Variants in PLEKHH2 observed in about 807,000 individuals in gnomAD.
PLEKHH2 encodes pleckstrin homology, MyTH4 and FERM domain containing H2.
A neutral mutation model predicts 187.9 loss-of-function variants in PLEKHH2; 129 were observed. The ratio of observed to expected loss-of-function variants is 0.69; its 90% CI spans 0.59 to 0.79. The LOEUF (loss-of-function observed/expected upper bound fraction) is 0.79. PLEKHH2 is among the 30% of genes least tolerant of loss of function. The pLI, the probability that PLEKHH2 is intolerant of heterozygous loss-of-function variation, is 0.00. For missense variants in PLEKHH2, 2,076 were observed against 1,751.2 expected (o/e 1.19, Z -3.31); for synonymous variants, 686 against 605.6 (o/e 1.13, Z -1.95).
intron 15 of PLEKHH2, among the ~76,000 whole-genome samples, chr2:43,716,882 C>G (rs13418853): frequency 0.17 from 25,944 of 152,096 alleles, 2,673 homozygotes; most frequent in Middle Eastern, 0.28. Context: ...ATATTATTTC[C>G]TATAACCATC....
intron 2 of PLEKHH2, among the ~76,000 whole-genome samples, chr2:43,649,725 G>A (rs766629088): frequency 1.6e-4 from 24 of 152,304 alleles, no homozygotes; most frequent in Non-Finnish European, 3.2e-4. Context: ...GTTACTGGTT[G>A]AAGATATTAT....
chr2:43,654,050 T>G (rs1666618916), intron 2 of PLEKHH2, among the ~76,000 whole-genome samples: 1 of 152,066 alleles, frequency 6.6e-6, no homozygotes, highest in African/African-American at 2.4e-5. Flanking sequence ...ATTAAGTGAG[T>G]GAATAAGAAA....
intron 21 of PLEKHH2, among the ~76,000 whole-genome samples, chr2:43,742,483 A>C (rs1448306051): frequency 2.0e-5 from 3 of 152,184 alleles, no homozygotes; most frequent in African/African-American, 7.2e-5. Context: ...GGTAATTTTA[A>C]ATTCAGCTTG....
intron 9 of PLEKHH2, among the ~76,000 whole-genome samples, 179 bp downstream of exon 9, chr2:43,704,235 C>A (rs1011264229): frequency 1.3e-5 from 2 of 152,036 alleles, no homozygotes; most frequent in Admixed American, 6.6e-5. Flanking sequence ...TTACCAGGGT[C>A]AGGGTGTGCG....
At chr2:43,682,962 A>C (rs1383093281) in intron 3 of PLEKHH2, among the ~76,000 whole-genome samples, 1 of 151,376 alleles carries the variant, frequency 6.6e-6, no homozygotes, top group Non-Finnish European at 1.5e-5. Flanking sequence ...ACACACACAC[A>C]ATTTGTTTAT....
chr2:43,706,487 G>A (rs1669663360), intron 10 of PLEKHH2, 71 bp downstream of exon 10: 12 of 1,117,452 alleles, frequency 1.1e-5, no homozygotes, highest in Non-Finnish European at 1.6e-5. Context: ...GTTAATTCAA[G>A]CTCCAGATTC....
At position 43,699,747 on chromosome 2, in the gene PLEKHH2, G is replaced by C. The variant is rs1669260544; in HGVS notation, c.789G>C (p.Arg263=). The change falls in exon 8 of 30, where the codon CGG becomes CGC. Residue 263 remains arginine (R), a synonymous_variant. Transcript: ENST00000282406. ...CCCCTTGTGGCTCAGAACAGAATCG[G>C]AAAACAAGAACAAGCTTTGCCACAG... is the stretch of plus-strand genomic sequence containing the variant. The part of the protein sequence containing the change: ...HQTPCGSEQN[R]KTRTSFATDG... 1.2e-6 allele frequency: 2 copies of C among 1,614,094 alleles called. No homozygotes were observed. The highest frequency in any genetic ancestry group is 1.7e-6 in the Non-Finnish European group (2 of 1,180,050).
intron 27 of PLEKHH2, among the ~76,000 whole-genome samples, chr2:43,760,586 C>G (rs1672388269): frequency 6.6e-6 from 1 of 152,166 alleles, no homozygotes; most frequent in Non-Finnish European, 1.5e-5. Flanking sequence ...TAGTCTCGAA[C>G]TCCTGATCTG....
intron 14 of PLEKHH2, chr2:43,711,008 A>G (rs1669938467): frequency 2.0e-6 from 2 of 996,818 alleles, no homozygotes; most frequent in South Asian, 4.6e-5. Context: ...CCATAACACC[A>G]AAGTGGGAAA....
At chr2:43,671,435 T>C (rs1225249345) in intron 2 of PLEKHH2, among the ~76,000 whole-genome samples, 3 of 152,226 alleles carry the variant, frequency 2.0e-5, no homozygotes, top group African/African-American at 7.2e-5. Context: ...AATATTGCTT[T>C]ATTTCTTCCT....
chr2:43,759,317 C>G (rs982499016), intron 27 of PLEKHH2, among the ~76,000 whole-genome samples: 1 of 152,182 alleles, frequency 6.6e-6, no homozygotes, highest in African/African-American at 2.4e-5. Flanking sequence ...CATCCATGCA[C>G]ATGTTTACTC....
At chr2:43,681,573 C>T (rs368940104) in intron 3 of PLEKHH2, 45 of 1,013,270 alleles carry the variant, frequency 4.4e-5, no homozygotes, top group South Asian at 4.1e-4. Context: ...CCCGCACCTT[C>T]GGCACTCATG....
rs1392254441 is a variant in PLEKHH2, at chr2:43,757,212, G to C, written c.3889G>C (p.Glu1297Gln). 2 of 1,603,008 alleles carry C rather than the reference G, an allele frequency of 1.2e-6. No homozygotes were observed. The highest frequency in any genetic ancestry group is 1.1e-5 in the South Asian group (1 of 88,718). ...GAATCAAACTCTAAAGCAAGTCATA[G>C]AGAAATTTTATCCTAAAAGGTATAG... is the stretch of plus-strand genomic sequence containing the variant. ...KVNQTLKQVI[E>Q]KFYPKRYRDG... is the part of the protein sequence containing the mutation. Residue 1297 changes from glutamate to glutamine, a missense_variant, in exon 26 of 30, where the codon GAG (glutamate) becomes CAG (glutamine). By Grantham distance (29) the Glu-to-Gln change is conservative. Coordinates refer to ENST00000282406, the MANE Select transcript of PLEKHH2 (RefSeq NM_172069.4).
intron 24 of PLEKHH2, among the ~76,000 whole-genome samples, chr2:43,746,545 C>T (rs1671785134): frequency 1.3e-5 from 2 of 152,138 alleles, no homozygotes; most frequent in South Asian, 4.2e-4. Flanking sequence ...CACACACACA[C>T]ACACACGCAC....
At chr2:43,675,719 A>G (rs779671583) in intron 2 of PLEKHH2, 2 of 1,613,910 alleles carry the variant, frequency 1.2e-6, no homozygotes, top group South Asian at 1.1e-5. Context: ...CAGGTCTCAG[A>G]GTTATCGAGA....
chr2:43,671,201 G>A (rs1667483195), intron 2 of PLEKHH2, among the ~76,000 whole-genome samples: 1 of 151,888 alleles, frequency 6.6e-6, no homozygotes, highest in Admixed American at 6.6e-5. Context: ...TGGCCAGGCT[G>A]GTCTAGAACT....
intron 10 of PLEKHH2, among the ~76,000 whole-genome samples, chr2:43,706,924 A>G (rs111440575): frequency 0.013 from 2,015 of 152,276 alleles, 46 homozygotes; most frequent in African/African-American, 0.046. Context: ...CTGGCTGGGC[A>G]CGGTGGCTCA....
At chr2:43,669,471 T>A (rs1412207627) in intron 2 of PLEKHH2, among the ~76,000 whole-genome samples, 5 of 152,098 alleles carry the variant, frequency 3.3e-5, no homozygotes, top group African/African-American at 1.2e-4. Context: ...GTGTATTATA[T>A]CTCGACTTTA....
At position 43,708,977 on chromosome 2, in the gene PLEKHH2, AT is replaced by A. The variant is rs200176421; in HGVS notation, c.1967-1008del. 3.0e-3 allele frequency among the ~76,000 whole-genome samples: 456 copies of A among 152,342 alleles called. 2 individuals are homozygous for A. The highest frequency in any genetic ancestry group is 0.01 in the African/African-American group (434 of 41,578). ...ATATGTCCCTTAAATGTTAATACAT[AT>A]TTTTAAAAATTGCTGGATACTTTTA... On this transcript the variant is annotated intron_variant, in intron 11 of 29. Transcript: ENST00000282406.
Sources: gnomAD v4.1 joint callset for allele counts (sites outside exome capture counted in the v4.1 genomes callset) on GRCh38, gnomAD v4.1.1 for gene constraint, MANE v1.5 for transcripts, NCBI Gene and HGNC (gene_info 2026-07-23, HGNC 2026-07-21) for gene names.